The following TUSC3 variants were observed in gnomAD, a reference collection of about 807,000 sequenced individuals.
TUSC3 encodes dolichyl-diphosphooligosaccharide--protein glycosyltransferase subunit TUSC3.
Under a neutral mutation model 44.8 loss-of-function variants are expected in TUSC3, and 45 were observed. That is an observed-to-expected ratio of 1.00 (90% CI 0.79 to 1.29). The LOEUF (loss-of-function observed/expected upper bound fraction) is 1.29. Ranked by LOEUF, TUSC3 falls within the 50% of genes most tolerant of loss-of-function variation. The pLI is 0.00. For missense variants in TUSC3, 519 were observed against 437.9 expected (o/e 1.19, Z -1.65); for synonymous variants, 212 against 152.9 (o/e 1.39, Z -2.85).
chr8:15,473,517 C>T (rs183420013), intron 1 of TUSC3, among the ~76,000 whole-genome samples: 32 of 152,220 alleles, frequency 2.1e-4, no homozygotes, highest in African/African-American at 7.5e-4. Flanking sequence ...GGGAACCCAC[C>T]CCCACTATTT....
At chr8:15,536,332 A>G (rs1214851135), upstream of TUSC3, among the ~76,000 whole-genome samples, 6 of 152,144 alleles carry the variant, frequency 3.9e-5, no homozygotes, top group Admixed American at 2.6e-4. Context: ...GACAGAGATA[A>G]TACTTTACAC....
intron 1 of TUSC3, among the ~76,000 whole-genome samples, chr8:15,615,270 T>C (rs545543748): frequency 2.0e-5 from 3 of 152,338 alleles, no homozygotes; most frequent in African/African-American, 7.2e-5. Context: ...TGGAATGTTA[T>C]TCAGCTGTAA....
chr8:15,662,420 T>G, intron 5 of TUSC3, 124 bp downstream of exon 5: 1 of 1,351,774 alleles, frequency 7.4e-7, no homozygotes. Flanking sequence ...AGAAGTAACT[T>G]TTTAGAACTT....
At chr8:15,713,956 C>T (rs1172011725) in intron 6 of TUSC3, among the ~76,000 whole-genome samples, 2 of 152,176 alleles carry the variant, frequency 1.3e-5, no homozygotes, top group African/African-American at 4.8e-5. Context: ...TTGAAAAGTA[C>T]TTAAGCAAAT....
intron 1 of TUSC3, among the ~76,000 whole-genome samples, chr8:15,479,559 A>AT (rs1800630851): frequency 6.6e-6 from 1 of 151,974 alleles, no homozygotes; most frequent in Non-Finnish European, 1.5e-5. Flanking sequence ...CCCGTTGCTT[A>AT]TTTTTGTAAG....
intron 2 of TUSC3, among the ~76,000 whole-genome samples, chr8:15,492,615 T>A (rs1800823424): frequency 1.3e-5 from 2 of 150,962 alleles, no homozygotes; most frequent in South Asian, 4.2e-4. Flanking sequence ...TCAGATAACT[T>A]CAGACACAAA....
intron 1 of TUSC3, among the ~76,000 whole-genome samples, chr8:15,451,163 G>A (rs746990854): frequency 6.6e-6 from 1 of 152,118 alleles, no homozygotes. Context: ...GATATAATAA[G>A]ATATAAGACA....
chr8:15,459,095 G>C (rs1364690475), intron 1 of TUSC3, among the ~76,000 whole-genome samples: 1 of 152,098 alleles, frequency 6.6e-6, no homozygotes, highest in African/African-American at 2.4e-5. Context: ...TATACTCCTA[G>C]CCTTATGACC....
chr8:15,593,637 A>G (rs1803945482), intron 1 of TUSC3, among the ~76,000 whole-genome samples: 1 of 152,274 alleles, frequency 6.6e-6, no homozygotes. Context: ...TAATCCGCAT[A>G]GCCATAATTT....
intron 3 of TUSC3, among the ~76,000 whole-genome samples, chr8:15,657,688 C>T (rs1807234307): frequency 6.6e-6 from 1 of 152,122 alleles, no homozygotes; most frequent in East Asian, 1.9e-4. Context: ...TATGCTCTTC[C>T]AGATTCTTTC....
At chr8:15,582,747 G>T (rs905382950) in intron 1 of TUSC3, among the ~76,000 whole-genome samples, 1 of 152,172 alleles carries the variant, frequency 6.6e-6, no homozygotes, top group Non-Finnish European at 1.5e-5. Context: ...TTATCTAATA[G>T]CTGCTGGAAC....
At chr8:15,796,215 G>T in the TUSC3 span, among the ~76,000 whole-genome samples, 6 of 152,136 alleles carry the variant, frequency 3.9e-5, no homozygotes, top group African/African-American at 1.4e-4. Context: ...GTAACAATCT[G>T]GGTGGTGCAA....
intron 2 of TUSC3, among the ~76,000 whole-genome samples, chr8:15,522,893 G>T (rs1277865039): frequency 6.6e-6 from 1 of 152,170 alleles, no homozygotes; most frequent in Non-Finnish European, 1.5e-5. Flanking sequence ...AAGTGCAGAT[G>T]GTTTATTTGA....
At chr8:15,723,999 C>T (rs897177489) in intron 6 of TUSC3, among the ~76,000 whole-genome samples, 1 of 152,118 alleles carries the variant, frequency 6.6e-6, no homozygotes, top group Non-Finnish European at 1.5e-5. Context: ...CGCAGTGTGA[C>T]TGTTTGGACG....
chr8:15,429,738 T>C (rs62500494), intron 1 of TUSC3, among the ~76,000 whole-genome samples: 11,645 of 151,588 alleles, frequency 0.077, 551 homozygotes, highest in East Asian at 0.16. Context: ...TTTGAAGGAA[T>C]TGTGAATGGG....
chr8:15,527,761 C>G (rs2129130356), intron 2 of TUSC3, among the ~76,000 whole-genome samples: 1 of 152,278 alleles, frequency 6.6e-6, no homozygotes, highest in East Asian at 1.9e-4. Flanking sequence ...GCACTGTATA[C>G]AGTAACTAAG....
chr8:15,531,846 G>C (rs957904666), intron 2 of TUSC3, among the ~76,000 whole-genome samples: 1 of 152,132 alleles, frequency 6.6e-6, no homozygotes, highest in Non-Finnish European at 1.5e-5. Flanking sequence ...ATCTGGAATT[G>C]TACTGACTAC....
At chr8:15,583,031 A>G (rs1438196741) in intron 1 of TUSC3, among the ~76,000 whole-genome samples, 1 of 152,226 alleles carries the variant, frequency 6.6e-6, no homozygotes, top group East Asian at 1.9e-4. Context: ...GTAAAGATAC[A>G]TGTAGCTAGG....
chr8:15,842,776 G>T, the TUSC3 span, among the ~76,000 whole-genome samples: 2 of 152,134 alleles, frequency 1.3e-5, no homozygotes, highest in Non-Finnish European at 1.5e-5. Context: ...ACAATTCTTT[G>T]AAACATGAAC....
Sources: allele counts gnomAD v4.1 joint callset (sites outside exome capture counted in the v4.1 genomes callset), GRCh38; gene constraint gnomAD v4.1.1; transcripts MANE v1.5; gene names NCBI Gene and HGNC (gene_info 2026-07-23, HGNC 2026-07-21).